The following SLC15A4 variants were observed in gnomAD, a reference collection of about 807,000 sequenced individuals.
SLC15A4 encodes the protein solute carrier family 15 member 4, also known as hPHT1.
In SLC15A4, 26 loss-of-function variants were observed where a neutral mutation model predicts 46.1. The ratio of observed to expected loss-of-function variants is 0.56; its 90% confidence interval spans 0.41 to 0.78. The LOEUF is 0.78. Among genes scored for constraint, SLC15A4 ranks in the 30% least tolerant of loss-of-function variants. SLC15A4 has a pLI of 0.00. For missense variants in SLC15A4, 751 were observed against 755.7 expected, an observed-to-expected ratio of 0.99 and a Z score of 0.07; for synonymous variants, 370 against 333.4, an observed-to-expected ratio of 1.11 and a Z score of -1.20.
chr12:128,821,754 C>T (rs1228092903), intron 1 of SLC15A4, among the ~76,000 whole-genome samples: 2 of 151,972 alleles, frequency 1.3e-5, no homozygotes, highest in Non-Finnish European at 1.5e-5. Context: ...GGCACAGTGG[C>T]GTGCACGTGT....
Position 128,823,538 on chromosome 12 carries a change from C to T in SLC15A4, c.406G>A (p.Ala136Thr). Residue 136 changes from alanine to threonine, a missense_variant, in exon 1 of 8, where the codon GCG (alanine) becomes ACG (threonine). Physicochemically the swap from Ala to Thr is moderately conservative, Grantham distance 58. Coordinates refer to ENST00000266771, the MANE Select transcript of SLC15A4 (RefSeq NM_145648.4). The part of the protein sequence containing the change: ...PATRAALCGS[A>T]RLLNCTAPGP... Reference sequence around the variant, plus strand: ...GGCGCCGTGCAGTTGAGCAGGCGCGCGGAACCGCAGAGCGCGGCTCGCGTG... The same window carrying T: ...GGCGCCGTGCAGTTGAGCAGGCGCGTGGAACCGCAGAGCGCGGCTCGCGTG... The T allele has an allele frequency of 6.8e-7, 1 of 1,464,646 alleles. No homozygotes were observed. Among genetic ancestry groups the T allele is most frequent in the Non-Finnish European group, 9.0e-7 (1 of 1,115,870 alleles). 90.7% of individuals were successfully genotyped at this position (1,464,646 alleles called of 1,614,324 possible).
intron 1 of SLC15A4, among the ~76,000 whole-genome samples, chr12:128,822,328 T>C (rs1327108790): frequency 6.6e-6 from 1 of 152,218 alleles, no homozygotes; most frequent in Non-Finnish European, 1.5e-5. Flanking sequence ...GTAACTCCTT[T>C]AAAGCCACGA....
intron 2 of SLC15A4, chr12:128,813,733 G>C (rs1368999527): frequency 1.3e-5 from 2 of 152,214 alleles, no homozygotes; most frequent in Non-Finnish European, 2.9e-5. Flanking sequence ...GCAGCCTCCA[G>C]GCATTTCTAC....
chr12:128,804,130 T>C (rs537562852), intron 5 of SLC15A4, among the ~76,000 whole-genome samples: 6 of 152,332 alleles, frequency 3.9e-5, no homozygotes, highest in East Asian at 1.9e-4. Context: ...AGAGTGATAT[T>C]TGGCCATAAC....
chr12:128,813,585 A>G (rs1955696376), intron 2 of SLC15A4: 1 of 152,240 alleles, frequency 6.6e-6, no homozygotes. Flanking sequence ...AGTAAGACAA[A>G]CACAGACAGG....
chr12:128,814,523 A>G, intron 2 of SLC15A4: 1 of 470,510 alleles, frequency 2.1e-6, no homozygotes, highest in Non-Finnish European at 3.8e-6. Context: ...CGTCTACACT[A>G]GCAGTGAGAG....
intron 1 of SLC15A4, among the ~76,000 whole-genome samples, chr12:128,820,277 G>A (rs1279910728): frequency 6.6e-6 from 1 of 152,188 alleles, no homozygotes; most frequent in African/African-American, 2.4e-5. Flanking sequence ...CCAGAGCTGG[G>A]ATAGAAGTCC....
chr12:128,808,809 T>A lies in SLC15A4; in HGVS notation c.1237A>T (p.Met413Leu), dbSNP rs1267249321. ...KRIAVGMFFV[M>L]CSAFAAGILE... ...TTACCTGCAGCAAAGGCCGAGCACA[T>A]GACAAAGAACATGCCCACGGCGATC... The change falls in exon 5 of 8, where the codon ATG becomes TTG. Residue 413 changes from methionine to leucine, a missense_variant. By Grantham distance (15) the Met-to-Leu change is conservative. Transcript: ENST00000266771. 1 of 1,614,096 alleles carries A rather than the reference T, an allele frequency of 6.2e-7. No individual in the cohort carries two copies.
chr12:128,799,217 C>G (rs115063788), intron 7 of SLC15A4, 42 bp downstream of exon 7: 3 of 1,608,774 alleles, frequency 1.9e-6, no homozygotes, highest in African/African-American at 2.7e-5. Context: ...GCGCCTCCCC[C>G]TCACTGGCTA....
At chr12:128,794,920 C>T (rs1225235914) in intron 7 of SLC15A4, among the ~76,000 whole-genome samples, 1 of 152,176 alleles carries the variant, frequency 6.6e-6, no homozygotes, top group African/African-American at 2.4e-5. Flanking sequence ...GTGTTATTTC[C>T]TTCCTGCCTT....
intron 6 of SLC15A4, 170 bp downstream of exon 6, chr12:128,800,684 T>G: frequency 1.7e-6 from 1 of 596,694 alleles, no homozygotes; most frequent in South Asian, 2.7e-5. Flanking sequence ...ATGGAGAACC[T>G]CAGCACTGGT....
At position 128,814,799 on chromosome 12, in the gene SLC15A4, C is replaced by T. The variant is rs775641409; in HGVS notation, c.818G>A (p.Arg273Gln). ...ILTYSCCSQK[R>Q]SGERQSNGEG... ...CCCATTACTCTGGCGCTCTCCACTTCGCTTCTGGGAACAGCAGGAATACGT... is the reference window on the plus strand; with the variant it reads ...CCCATTACTCTGGCGCTCTCCACTTTGCTTCTGGGAACAGCAGGAATACGT... Residue 273 changes from arginine to glutamine, a missense_variant, in exon 2 of 8, where the codon CGA becomes CAA. Physicochemically the swap from Arg to Gln is conservative, Grantham distance 43 (BLOSUM62 1). Transcript: ENST00000266771. 28 of 1,614,042 alleles carry T rather than the reference C, an allele frequency of 1.7e-5. No homozygotes were observed. Among genetic ancestry groups the T allele is most frequent in the Admixed American group, 6.7e-5 (4 of 60,010 alleles).
At chr12:128,814,656 G>T in intron 2 of SLC15A4, 119 bp downstream of exon 2, 1 of 1,056,266 alleles carries the variant, frequency 9.5e-7, no homozygotes, top group Non-Finnish European at 1.4e-6. Flanking sequence ...GAGAAGACAT[G>T]TAAACCACTC....
intron 1 of SLC15A4, among the ~76,000 whole-genome samples, chr12:128,817,875 T>C (rs1456288835): frequency 6.6e-6 from 1 of 152,212 alleles, no homozygotes; most frequent in African/African-American, 2.4e-5. Flanking sequence ...CACAACCTCC[T>C]GCCCATCGTT....
At chr12:128,819,601 G>A (rs575587301) in intron 1 of SLC15A4, 2 of 152,270 alleles carry the variant, frequency 1.3e-5, no homozygotes, top group South Asian at 2.1e-4. Context: ...CAAGAAGAAC[G>A]GCCATGAAAG....
chr12:128,800,981 A>C lies in SLC15A4; in HGVS notation c.1287T>G (p.Leu429=). ...TCTGATTAATGGTTTTCTCTTTAAC[A>C]AGGTTCAGCCTTTTACTCTCCAAAA... ...AGILESKRLN[L]VKEKTINQTI... The change falls in exon 6 of 8, where the codon CTT becomes CTG. Residue 429 remains leucine (L), a synonymous_variant. Transcript: ENST00000266771. The C allele has an allele frequency of 6.2e-7, 1 of 1,613,394 alleles. No individual in the cohort carries two copies. The highest frequency in any genetic ancestry group is 1.1e-5 in the South Asian group (1 of 90,918).
chr12:128,812,009 G>A (rs373792100), intron 2 of SLC15A4, among the ~76,000 whole-genome samples: 9 of 152,284 alleles, frequency 5.9e-5, no homozygotes, highest in South Asian at 4.2e-4. Flanking sequence ...GTTTCAGGAC[G>A]CCTGTGCCTG....
At chr12:128,815,136 C>CGG in intron 1 of SLC15A4, 66 bp from the exon 2 acceptor site, 11 of 1,432,852 alleles carry the variant, frequency 7.7e-6, no homozygotes, top group Non-Finnish European at 1.1e-5. Context: ...AAACCATATA[C>CGG]GGTCAAGTGG....
In SLC15A4 at chr12:128,799,275, G is replaced by A. The variant is rs1955485553; in HGVS notation, c.1557C>T (p.Ser519=). ...GGCTCTTACCAAAGTCTGTGTGACT[G>A]CTCATCCATCCGATGGCTTTGATAG... ...LVSIKAIGWM[S]SHTDFGNING... Residue 519 remains serine (S), a synonymous_variant, in exon 7 of 8, where the codon AGC becomes AGT. Transcript: ENST00000266771. The A allele has an allele frequency of 6.2e-7, 1 of 1,614,096 alleles. No homozygotes were observed. Among genetic ancestry groups the A allele is most frequent in the Non-Finnish European group, 8.5e-7 (1 of 1,180,006 alleles).
Sources: gnomAD v4.1 joint callset for allele counts (sites outside exome capture counted in the v4.1 genomes callset) on GRCh38, gnomAD v4.1.1 for gene constraint, MANE v1.5 for transcripts, NCBI Gene and HGNC (gene_info 2026-07-23, HGNC 2026-07-21) for gene names.